Variants in ATP11C observed in about 807,000 individuals in gnomAD.
ATP11C encodes the protein ATPase phospholipid transporting 11C (ATP11C blood group).
Under a neutral mutation model 97.4 loss-of-function variants are expected in ATP11C, and 36 were observed. That is an observed-to-expected ratio of 0.37 (90% CI 0.28 to 0.49). ATP11C has a LOEUF of 0.49. ATP11C is among the 20% of genes least tolerant of loss of function. The pLI, the probability that ATP11C is intolerant of heterozygous loss-of-function variation, is 0.98. For missense variants in ATP11C, 730 were observed against 824.6 expected, an observed-to-expected ratio of 0.89 and a Z score of 1.40; for synonymous variants, 275 against 290.9, an observed-to-expected ratio of 0.95 and a Z score of 0.56.
At chrX:139,761,254 G>A (rs1335750113) in intron 22 of ATP11C, among the ~76,000 whole-genome samples, 2 of 111,447 alleles carry the variant, frequency 1.8e-5, no homozygotes, top group Non-Finnish European at 3.8e-5. Flanking sequence ...CTGAGCAACA[G>A]AGTGAGACTC....
chrX:139,908,811 A>G (rs1351438509), intron 1 of ATP11C, among the ~76,000 whole-genome samples: 4 of 112,392 alleles, frequency 3.6e-5, no homozygotes, highest in African/African-American at 1.3e-4. Flanking sequence ...AGCAGGTAGA[A>G]TTTTAATGAC....
chrX:139,727,777 T>G lies in ATP11C; in HGVS notation c.*1189A>C, dbSNP rs1191869401. ...ACATTTATGTTTCAAGTGAACTAAT[T>G]AGAAGGCTAAACCTTCCTTCTAGTT... On this transcript the variant is annotated 3_prime_UTR_variant, in exon 30 of 30. Transcript: ENST00000682941. The G allele has an allele frequency of 3.6e-5, 4 of 112,283 alleles. No homozygotes were observed. The East Asian group carries it at 1.1e-3, about 31-fold the overall frequency. 9.3% of individuals were successfully genotyped at this position (112,283 alleles called of 1,213,427 possible).
intron 1 of ATP11C, among the ~76,000 whole-genome samples, chrX:139,838,348 T>G: frequency 9.0e-6 from 1 of 111,292 alleles, no homozygotes; most frequent in Middle Eastern, 4.7e-3. Flanking sequence ...GAATGAAATA[T>G]TCACTGCAAA....
At chrX:139,826,919 A>G in intron 1 of ATP11C, 96 bp from the exon 2 acceptor site, 1 of 934,045 alleles carries the variant, frequency 1.1e-6, no homozygotes, top group South Asian at 2.5e-5. Flanking sequence ...CTGGGCCATA[A>G]TCTGGCGAGA....
chrX:139,897,377 G>T (rs72617908), intron 1 of ATP11C, among the ~76,000 whole-genome samples: 1 of 110,489 alleles, frequency 9.1e-6, no homozygotes, highest in Non-Finnish European at 1.9e-5. Context: ...TATACTAAAG[G>T]TCAACTTCAG....
rs758504379 is a variant in ATP11C, at chrX:139,800,023, C to A, written c.710+37G>T. 35 of 607,502 alleles carry A rather than the reference C, an allele frequency of 5.8e-5. 1 individual carries two copies. Among genetic ancestry groups the A allele is most frequent in the African/African-American group, 1.7e-4 (7 of 41,874 alleles). The allele number at this position is 607,502 out of a possible 1,213,427, so 50.1% of individuals were successfully genotyped here. On this transcript the variant is annotated intron_variant, in intron 8 of 29. Coordinates refer to ENST00000682941, the MANE Select transcript of ATP11C (RefSeq NM_001353812.2). ...TTAACAGAAAAATAGACCCCCCCCCCCAACCAAAGGACAAATTAAAGAAAC... is the reference window on the plus strand; with the variant it reads ...TTAACAGAAAAATAGACCCCCCCCCACAACCAAAGGACAAATTAAAGAAAC...
At chrX:139,926,088 G>A (rs775314733) in intron 1 of ATP11C, among the ~76,000 whole-genome samples, 4 of 110,824 alleles carry the variant, frequency 3.6e-5, no homozygotes, top group Admixed American at 1.9e-4. Flanking sequence ...TTTGTTTTAC[G>A]ATCACCGCTA....
intron 24 of ATP11C, among the ~76,000 whole-genome samples, chrX:139,746,770 G>A (rs1203805762): frequency 9.0e-6 from 1 of 111,456 alleles, no homozygotes; most frequent in African/African-American, 3.3e-5. Context: ...CAATTCTAAT[G>A]GAGCAGAGCT....
chrX:139,755,915 G>A (rs1793270197), intron 23 of ATP11C, among the ~76,000 whole-genome samples: 1 of 112,127 alleles, frequency 8.9e-6, no homozygotes, highest in Non-Finnish European at 1.9e-5. Flanking sequence ...CACAGGAGCT[G>A]GCAAAGATTT....
At chrX:139,795,253 C>T (rs886255207) in intron 12 of ATP11C, among the ~76,000 whole-genome samples, 1 of 111,901 alleles carries the variant, frequency 8.9e-6, no homozygotes, top group African/African-American at 3.2e-5. Context: ...CAAGTCTAAA[C>T]AAAATGGTAT....
chrX:139,871,311 C>T (rs1473957102), intron 1 of ATP11C, among the ~76,000 whole-genome samples: 3 of 105,511 alleles, frequency 2.8e-5, no homozygotes, highest in African/African-American at 1.0e-4. Context: ...CAGGTTCAAG[C>T]GACTCTCATG....
intron 18 of ATP11C, among the ~76,000 whole-genome samples, chrX:139,778,766 T>A (rs2082397707): frequency 9.0e-6 from 1 of 111,301 alleles, no homozygotes. Context: ...GGAGGCGAAG[T>A]TGCAGTGAGC....
intron 7 of ATP11C, among the ~76,000 whole-genome samples, chrX:139,800,779 A>G (rs1201260547): frequency 8.9e-6 from 1 of 112,123 alleles, no homozygotes; most frequent in East Asian, 2.8e-4. Flanking sequence ...TCTGCAAAAT[A>G]AGGTAAAAAT....
intron 1 of ATP11C, among the ~76,000 whole-genome samples, chrX:139,853,659 A>G (rs2084040620): frequency 9.1e-6 from 1 of 110,141 alleles, no homozygotes; most frequent in African/African-American, 3.3e-5. Context: ...CACTGAGGCC[A>G]TGGACAACCC....
At chrX:139,749,627 A>G (rs1159766485) in intron 24 of ATP11C, among the ~76,000 whole-genome samples, 1 of 112,082 alleles carries the variant, frequency 8.9e-6, no homozygotes, top group Non-Finnish European at 1.9e-5. Flanking sequence ...TGCAGTTTAC[A>G]TGAGAAAGGG....
intron 1 of ATP11C, among the ~76,000 whole-genome samples, chrX:139,855,219 A>G (rs1400407210): frequency 9.0e-6 from 1 of 110,946 alleles, no homozygotes; most frequent in East Asian, 2.8e-4. Context: ...TTTCTCAGTA[A>G]GAAGGCACCA....
At chrX:139,929,802 TG>T (rs1285938803) in intron 1 of ATP11C, among the ~76,000 whole-genome samples, 1 of 112,028 alleles carries the variant, frequency 8.9e-6, no homozygotes, top group Non-Finnish European at 1.9e-5. Flanking sequence ...GTAATTCAAA[TG>T]GAAGTACCCC....
intron 1 of ATP11C, among the ~76,000 whole-genome samples, chrX:139,917,816 C>T (rs1376921966): frequency 9.1e-6 from 1 of 109,906 alleles, no homozygotes; most frequent in Admixed American, 9.8e-5. Context: ...ATTAGCTGGG[C>T]ATGGTGGTAC....
intron 2 of ATP11C, among the ~76,000 whole-genome samples, chrX:139,826,245 G>C (rs2083526630): frequency 9.0e-6 from 1 of 110,554 alleles, no homozygotes; most frequent in Non-Finnish European, 1.9e-5. Flanking sequence ...TACTTGAGAA[G>C]TGGGATGGGA....
Sources: allele counts gnomAD v4.1 joint callset (sites outside exome capture counted in the v4.1 genomes callset), GRCh38; gene constraint gnomAD v4.1.1; transcripts MANE v1.5; gene names NCBI Gene and HGNC (gene_info 2026-07-23, HGNC 2026-07-21).